Variants in SCN9A observed in about 807,000 individuals in gnomAD.
The protein encoded by SCN9A is sodium channel protein type 9 subunit alpha.
Under a neutral mutation model 187.0 loss-of-function variants are expected in SCN9A, and 131 were observed. That is an observed-to-expected ratio of 0.70 (90% CI 0.61 to 0.81). The LOEUF is 0.81. SCN9A is among the 30% of genes least tolerant of loss of function. SCN9A has a pLI of 0.00. For synonymous variants in SCN9A, 809 were observed against 808.6 expected, an observed-to-expected ratio of 1.00 and a Z score of -0.01; for missense variants, 2,252 against 2,396.6, an observed-to-expected ratio of 0.94 and a Z score of 1.26.
intron 1 of SCN9A, among the ~76,000 whole-genome samples, chr2:166,339,686 G>A (rs1273337408): frequency 6.6e-6 from 1 of 152,104 alleles, no homozygotes; most frequent in East Asian, 1.9e-4. Flanking sequence ...TGCTCAAACA[G>A]TATTTGTTAA....
At chr2:166,294,348 C>A (rs1698208119) in intron 8 of SCN9A, among the ~76,000 whole-genome samples, 1 of 152,176 alleles carries the variant, frequency 6.6e-6, no homozygotes, top group East Asian at 1.9e-4. Flanking sequence ...GTAACATTTT[C>A]TACCTTCTTA....
At chr2:166,331,738 AAACTT>A (rs2105264992) in intron 1 of SCN9A, among the ~76,000 whole-genome samples, 2 of 152,310 alleles carry the variant, frequency 1.3e-5, no homozygotes, top group South Asian at 4.1e-4. Flanking sequence ...TGGTATGACA[AAACTT>A]TGTTATAGTT....
intron 23 of SCN9A, 148 bp from the exon 24 acceptor site, chr2:166,226,852 C>T (rs1342522775): frequency 1.1e-5 from 5 of 462,044 alleles, no homozygotes; most frequent in Non-Finnish European, 1.5e-5. Flanking sequence ...TTAACATAAT[C>T]ACTCTTAACA....
At chr2:166,337,732 T>C (rs1699664152) in intron 1 of SCN9A, among the ~76,000 whole-genome samples, 2 of 152,126 alleles carry the variant, frequency 1.3e-5, no homozygotes, top group African/African-American at 2.4e-5. Context: ...ACCTTCTTTT[T>C]AATCCAGACT....
chr2:166,329,574 G>A (rs1699448375), intron 1 of SCN9A, among the ~76,000 whole-genome samples: 1 of 150,642 alleles, frequency 6.6e-6, no homozygotes, highest in African/African-American at 2.4e-5. Context: ...GTTGGGGGGG[G>A]GTTGTTGTTG....
Position 166,286,606 on chromosome 2 carries a change from C to T in SCN9A, c.1332G>A (p.Ala444=), listed in dbSNP as rs201091214. The T allele has an allele frequency of 8.4e-6, 13 of 1,552,762 alleles. No individual in the cohort carries two copies. Among genetic ancestry groups the T allele is most frequent in the Admixed American group, 2.1e-5 (1 of 47,294 alleles). Residue 444 remains alanine, a synonymous_variant, in exon 11 of 27, where the codon GCG becomes GCA. Transcript: ENST00000642356. Reference sequence around the variant, plus strand: ...TTCTCCTAATACTTGTATATTCAGCCGCTGCCGCTGCAATTGCCTGGTTGG... The same window carrying T: ...TTCTCCTAATACTTGTATATTCAGCTGCTGCCGCTGCAATTGCCTGGTTGG... ...QEEAEAIAAA[A]AEYTSIRRSR... is the part of the protein sequence containing the mutation.
Position 166,204,010 on chromosome 2 carries a change from G to T in SCN9A, c.4719C>A (p.Tyr1573Ter). 3 of 1,604,362 alleles carry T rather than the reference G, an allele frequency of 1.9e-6. No individual in the cohort carries two copies. Among genetic ancestry groups the T allele is most frequent in the Non-Finnish European group, 2.6e-6 (3 of 1,171,892 alleles). Reference sequence around the variant, plus strand: ...CAAAAATATTCCATCCTACAGTGAAGTAGTAGTGTCTGAGGGAGATCAGTT... The same window carrying T: ...CAAAAATATTCCATCCTACAGTGAATTAGTAGTGTCTGAGGGAGATCAGTT... ...VLKLISLRHYYFTVGWNIFDF... is the reference protein window; with the variant it reads ...VLKLISLRHY The change falls in exon 26 of 27, where the codon TAC (tyrosine) becomes TAA (stop). Residue 1573 changes from tyrosine to a stop codon, truncating the protein, a stop_gained. Transcript: ENST00000642356. LOFTEE classifies it high-confidence loss of function.
chr2:166,374,172 T>C (rs1299338660), intron 1 of SCN9A, among the ~76,000 whole-genome samples: 2 of 152,198 alleles, frequency 1.3e-5, no homozygotes, highest in Non-Finnish European at 1.5e-5. Flanking sequence ...AAGCATCAGG[T>C]ACTCTGTGAG....
chr2:166,306,498 A>G lies in SCN9A; in HGVS notation c.467+12T>C. Reference sequence around the variant, plus strand: ...ACCAAAACTATATTAAAATGTACTTATACCCACTTACTCGACATTTTTGGT... The same window carrying G: ...ACCAAAACTATATTAAAATGTACTTGTACCCACTTACTCGACATTTTTGGT... On this transcript the variant is annotated intron_variant, in intron 4 of 26. Coordinates refer to ENST00000642356, the MANE Select transcript of SCN9A (RefSeq NM_001365536.1). 1 of 1,394,930 alleles carries G rather than the reference A, an allele frequency of 7.2e-7. No homozygotes were observed. Among genetic ancestry groups the G allele is most frequent in the Non-Finnish European group, 1.0e-6 (1 of 999,822 alleles). 86.4% of individuals were successfully genotyped at this position (1,394,930 alleles called of 1,614,324 possible).
At chr2:166,252,273 T>C (rs1696079624) in intron 17 of SCN9A, among the ~76,000 whole-genome samples, 1 of 151,990 alleles carries the variant, frequency 6.6e-6, no homozygotes, top group Non-Finnish European at 1.5e-5. Context: ...ATACCCTATT[T>C]GCAATATAAT....
At chr2:166,304,457 G>A (rs1698685609) in intron 5 of SCN9A, 128 bp from the exon 6 acceptor site, 1 of 734,492 alleles carries the variant, frequency 1.4e-6, no homozygotes, top group Non-Finnish European at 2.2e-6. Flanking sequence ...AGTCTTTTTT[G>A]CTATCATAAC....
intron 1 of SCN9A, among the ~76,000 whole-genome samples, chr2:166,343,852 C>A (rs1218709396): frequency 1.3e-5 from 2 of 152,100 alleles, no homozygotes; most frequent in East Asian, 3.8e-4. Context: ...TTATCCCCAT[C>A]TTCATTATAT....
chr2:166,212,285 A>G (rs978640831), intron 24 of SCN9A, among the ~76,000 whole-genome samples: 7 of 152,190 alleles, frequency 4.6e-5, no homozygotes, highest in African/African-American at 1.4e-4. Flanking sequence ...AGTGTTTTCA[A>G]TCAGCATTGG....
In SCN9A at chr2:166,198,141, T is replaced by C. The variant is rs1286710364; in HGVS notation, c.*531A>G. The C allele has an allele frequency of 6.6e-6, 1 of 152,522 alleles. No homozygotes were observed. The highest frequency in any genetic ancestry group is 1.5e-5 in the Non-Finnish European group (1 of 68,284). The allele number at this position is 152,522 out of a possible 1,614,324, so 9.4% of individuals were successfully genotyped here. ...GAATAAATTTAAGCACCTCAAAATA[T>C]AGAATAACCTCTGTACATTGATAAA... On this transcript the variant is annotated 3_prime_UTR_variant, in exon 27 of 27. Transcript: ENST00000642356.
At chr2:166,231,613 A>G (rs943840833) in intron 21 of SCN9A, among the ~76,000 whole-genome samples, 3 of 134,034 alleles carry the variant, frequency 2.2e-5, no homozygotes, top group Non-Finnish European at 3.0e-5. Context: ...GTGCAGTTGC[A>G]TGATCTCGGC....
chr2:166,222,684 G>A (rs1694641473), intron 24 of SCN9A, among the ~76,000 whole-genome samples: 1 of 144,504 alleles, frequency 6.9e-6, no homozygotes, highest in African/African-American at 2.9e-5. Context: ...TGTAATCCCA[G>A]CACTTTGGGA....
intron 26 of SCN9A, among the ~76,000 whole-genome samples, chr2:166,201,678 ACT>A (rs1469398322): frequency 6.7e-6 from 1 of 148,938 alleles, no homozygotes; most frequent in Non-Finnish European, 1.5e-5. Flanking sequence ...ATATATACAT[ACT>A]CTATACTATA....
chr2:166,221,569 TTTC>T (rs1205626607), intron 24 of SCN9A, among the ~76,000 whole-genome samples: 2 of 152,058 alleles, frequency 1.3e-5, no homozygotes, highest in Admixed American at 1.3e-4. Flanking sequence ...CTTGGCTACT[TTTC>T]AAATATCTTC....
intron 22 of SCN9A, 72 bp from the exon 23 acceptor site, chr2:166,227,795 C>A: frequency 1.3e-6 from 1 of 786,570 alleles, no homozygotes; most frequent in South Asian, 1.5e-5. Flanking sequence ...AGAGTTTTGT[C>A]TGTTTAATGT....
Sources: allele counts gnomAD v4.1 joint callset (sites outside exome capture counted in the v4.1 genomes callset), GRCh38; gene constraint gnomAD v4.1.1; transcripts MANE v1.5; gene names NCBI Gene and HGNC (gene_info 2026-07-23, HGNC 2026-07-21).